The following ASIP variants were observed in gnomAD, a reference collection of about 807,000 sequenced individuals.
ASIP encodes the protein agouti signaling protein.
A neutral mutation model predicts 10.3 loss-of-function variants in ASIP; 11 were observed. The ratio of observed to expected loss-of-function variants is 1.07; its 90% CI spans 0.68 to 1.78. The LOEUF is 1.78. Among genes scored for constraint, ASIP ranks in the 40% most tolerant of loss-of-function variants. The pLI, the probability that ASIP is intolerant of heterozygous loss-of-function variation, is 0.00. For synonymous variants in ASIP, 70 were observed against 70.8 expected (o/e 0.99, Z 0.06); for missense variants, 180 against 169.2 (o/e 1.06, Z -0.35).
rs115750615 is a variant in ASIP, at chr20:34,211,358, C to T, written c.-11+16598C>T. On this transcript the variant is annotated intron_variant, in intron 1 of 3. Transcript: ENST00000568305. ...AATTATAGGCATGAGCCACCGTGCCCGGCCTCATTGCCATATATTTTAATT... is the reference window on the plus strand; with the variant it reads ...AATTATAGGCATGAGCCACCGTGCCTGGCCTCATTGCCATATATTTTAATT... 3.4e-3 allele frequency among the ~76,000 whole-genome samples: 511 copies of T among 152,322 alleles called. 2 individuals are homozygous for T. Among genetic ancestry groups the T allele is most frequent in the African/African-American group, 0.012 (478 of 41,562 alleles).
chr20:34,254,987 CCCCTAGGAT>C, intron 1 of ASIP, among the ~76,000 whole-genome samples: 1 of 152,278 alleles, frequency 6.6e-6, no homozygotes, highest in Non-Finnish European at 1.5e-5. Context: ...CTTAAACTAA[CCCCTAGGAT>C]TCACTTTTCC....
At chr20:34,224,561 C>T (rs1354071659) in intron 1 of ASIP, among the ~76,000 whole-genome samples, 1 of 152,142 alleles carries the variant, frequency 6.6e-6, no homozygotes, top group Non-Finnish European at 1.5e-5. Flanking sequence ...TTAAATGACC[C>T]TGTGGGGATG....
intron 1 of ASIP, chr20:34,245,835 C>T: frequency 1.3e-6 from 1 of 774,234 alleles, no homozygotes; most frequent in Admixed American, 5.6e-5. Context: ...TACAGTTTTA[C>T]TGTAGAATAT....
chr20:34,249,866 C>G (rs2035445128), intron 1 of ASIP: 1 of 152,252 alleles, frequency 6.6e-6, no homozygotes, highest in Non-Finnish European at 1.5e-5. Context: ...TGAAAAATCA[C>G]ATATGCACAG....
At chr20:34,208,753 G>A (rs2034953953) in intron 1 of ASIP, among the ~76,000 whole-genome samples, 1 of 152,168 alleles carries the variant, frequency 6.6e-6, no homozygotes, top group Non-Finnish European at 1.5e-5. Flanking sequence ...CTATGAACAT[G>A]AGATGGCTTT....
At chr20:34,250,874 A>G (rs1370298016) in intron 1 of ASIP, among the ~76,000 whole-genome samples, 1 of 152,064 alleles carries the variant, frequency 6.6e-6, no homozygotes, top group Non-Finnish European at 1.5e-5. Context: ...ATTAAGATAC[A>G]ATACTCTCCC....
intron 1 of ASIP, chr20:34,213,444 G>T: frequency 1.9e-6 from 2 of 1,027,504 alleles, no homozygotes; most frequent in Non-Finnish European, 2.8e-6. Context: ...TTGGAATTGA[G>T]TCATAGGTAG....
At chr20:34,231,666 G>T (rs1038479033) in intron 1 of ASIP, among the ~76,000 whole-genome samples, 3 of 152,054 alleles carry the variant, frequency 2.0e-5, no homozygotes, top group African/African-American at 7.2e-5. Context: ...TTAAAAATAA[G>T]AAACACTACC....
At chr20:34,246,164 T>C in intron 1 of ASIP, 1 of 1,042,470 alleles carries the variant, frequency 9.6e-7, no homozygotes, top group Non-Finnish European at 1.5e-6. Context: ...TCTTGTCACA[T>C]GTTTCTTCTT....
At chr20:34,256,867 A>G (rs1482376961) in intron 1 of ASIP, among the ~76,000 whole-genome samples, 1 of 151,926 alleles carries the variant, frequency 6.6e-6, no homozygotes, top group African/African-American at 2.4e-5. Context: ...TGTAGCCTCA[A>G]CTTCCTGGGG....
intron 1 of ASIP, among the ~76,000 whole-genome samples, chr20:34,258,632 A>G (rs1313034857): frequency 8.8e-6 from 1 of 113,744 alleles, no homozygotes; most frequent in Non-Finnish European, 1.8e-5. Context: ...CATGGTGGAG[A>G]GCCCCTGTCA....
At chr20:34,253,267 G>A (rs1378461510) in intron 1 of ASIP, among the ~76,000 whole-genome samples, 3 of 150,912 alleles carry the variant, frequency 2.0e-5, no homozygotes, top group South Asian at 2.1e-4. Flanking sequence ...CACCACGCCC[G>A]CCTAATTTTT....
At chr20:34,257,570 T>C (rs1471092128) in intron 1 of ASIP, among the ~76,000 whole-genome samples, 3 of 152,180 alleles carry the variant, frequency 2.0e-5, no homozygotes, top group Non-Finnish European at 2.9e-5. Context: ...AACTAAAATA[T>C]TATCTAGTTT....
In ASIP at chr20:34,262,967, T is replaced by C. The variant is rs1428400724; in HGVS notation, c.222+74T>C. ...ACTTAAAGAAGGAGGACCCCCAACCTCTGGCTAGGAACTAAATGAAAGATT... is the reference window on the plus strand; with the variant it reads ...ACTTAAAGAAGGAGGACCCCCAACCCCTGGCTAGGAACTAAATGAAAGATT... On this transcript the variant is annotated intron_variant, in intron 3 of 3. Transcript: ENST00000374954. The C allele has an allele frequency of 3.9e-6, 6 of 1,538,076 alleles. No individual in the cohort carries two copies. In the African/African-American group the frequency reaches 8.2e-5, roughly 21 times the overall value.
At chr20:34,219,779 G>A (rs1014540776) in intron 1 of ASIP, among the ~76,000 whole-genome samples, 4 of 152,152 alleles carry the variant, frequency 2.6e-5, no homozygotes, top group Non-Finnish European at 4.4e-5. Context: ...TGGGAACCCA[G>A]AATATAAAGA....
intron 3 of ASIP, among the ~76,000 whole-genome samples, chr20:34,267,845 A>T (rs1399697218): frequency 7.4e-5 from 9 of 121,380 alleles, no homozygotes; most frequent in African/African-American, 6.0e-4. Context: ...ACCATATTTA[A>T]AAAAAAAAAA....
At chr20:34,241,079 C>T (rs926666230), upstream of ASIP, among the ~76,000 whole-genome samples, 1 of 152,150 alleles carries the variant, frequency 6.6e-6, no homozygotes, top group Non-Finnish European at 1.5e-5. Flanking sequence ...CTTAGAGGGG[C>T]TAATAGAGGC....
At chr20:34,208,087 T>C (rs2034949323) in intron 1 of ASIP, among the ~76,000 whole-genome samples, 1 of 152,180 alleles carries the variant, frequency 6.6e-6, no homozygotes, top group South Asian at 2.1e-4. Context: ...TCCAGCACCA[T>C]TTATTAAAGA....
intron 1 of ASIP, among the ~76,000 whole-genome samples, chr20:34,231,476 G>C (rs1000518624): frequency 5.9e-5 from 9 of 152,232 alleles, no homozygotes; most frequent in African/African-American, 2.2e-4. Flanking sequence ...GTTAAGCAAA[G>C]ATTTCTTAAA....
Sources: gnomAD v4.1 joint callset for allele counts (sites outside exome capture counted in the v4.1 genomes callset) on GRCh38, gnomAD v4.1.1 for gene constraint, MANE v1.5 for transcripts, NCBI Gene and HGNC (gene_info 2026-07-23, HGNC 2026-07-21) for gene names.